NAALADL2: variants seen among roughly 807,000 people sequenced by gnomAD.
NAALADL2 encodes the protein inactive N-acetylated-alpha-linked acidic dipeptidase-like protein 2.
NAALADL2 carries 76 observed loss-of-function variants against 87.2 expected under a neutral mutation model. The ratio of observed to expected loss-of-function variants is 0.87; its 90% CI spans 0.72 to 1.05. The LOEUF is 1.05. NAALADL2 is among the 50% of genes least tolerant of loss of function. NAALADL2 has a pLI of 0.00. For missense variants in NAALADL2, 1,089 were observed against 945.8 expected (o/e 1.15, Z -1.99); for synonymous variants, 354 against 331.0 (o/e 1.07, Z -0.75).
chr3:174,608,194 A>C (rs1387707459), intron 2 of NAALADL2, among the ~76,000 whole-genome samples: 1 of 151,920 alleles, frequency 6.6e-6, no homozygotes, highest in Non-Finnish European at 1.5e-5. Context: ...TATAGCACTA[A>C]ATGCCCACAA....
At chr3:175,700,697 A>G (rs1215979253) in intron 11 of NAALADL2, among the ~76,000 whole-genome samples, 1 of 152,266 alleles carries the variant, frequency 6.6e-6, no homozygotes, top group Admixed American at 6.5e-5. Flanking sequence ...CTGACTTCTT[A>G]ATTGAGGAAA....
At chr3:175,290,974 C>T (rs1755573806) in intron 4 of NAALADL2, among the ~76,000 whole-genome samples, 1 of 151,932 alleles carries the variant, frequency 6.6e-6, no homozygotes, top group African/African-American at 2.4e-5. Context: ...TATAAATTTC[C>T]TTGGGCAATG....
At chr3:174,784,287 A>G (rs889948102) in intron 3 of NAALADL2, among the ~76,000 whole-genome samples, 7 of 152,332 alleles carry the variant, frequency 4.6e-5, no homozygotes, top group African/African-American at 1.4e-4. Flanking sequence ...ATACATATGC[A>G]TATGCAGCTT....
intron 2 of NAALADL2, among the ~76,000 whole-genome samples, chr3:174,651,851 C>G (rs1724392448): frequency 6.6e-6 from 1 of 152,120 alleles, no homozygotes. Context: ...TGAAATATAA[C>G]ACATATATAT....
At chr3:174,549,914 C>T (rs1375116415) in intron 1 of NAALADL2, among the ~76,000 whole-genome samples, 1 of 151,002 alleles carries the variant, frequency 6.6e-6, no homozygotes, top group Non-Finnish European at 1.5e-5. Context: ...TCCAATGTCT[C>T]TTTTAAAGAA....
At chr3:174,915,689 A>G (rs538455701) in intron 1 of NAALADL2, among the ~76,000 whole-genome samples, 12 of 152,202 alleles carry the variant, frequency 7.9e-5, no homozygotes, top group African/African-American at 2.4e-4. Flanking sequence ...TAATTTTAGG[A>G]AAAAAAGCGT....
chr3:175,653,704 T>C (rs1315033749), intron 11 of NAALADL2, among the ~76,000 whole-genome samples: 1 of 152,224 alleles, frequency 6.6e-6, no homozygotes, highest in Non-Finnish European at 1.5e-5. Flanking sequence ...ATGGCTTTCA[T>C]GGCTTTTTTC....
intron 2 of NAALADL2, among the ~76,000 whole-genome samples, chr3:175,193,332 A>G (rs552209908): frequency 6.6e-6 from 1 of 151,872 alleles, no homozygotes; most frequent in Non-Finnish European, 1.5e-5. Context: ...ATATGAAAGT[A>G]TTAATTTTAG....
intron 4 of NAALADL2, among the ~76,000 whole-genome samples, chr3:175,286,172 T>G (rs1362682673): frequency 6.6e-6 from 1 of 152,240 alleles, no homozygotes; most frequent in Non-Finnish European, 1.5e-5. Flanking sequence ...GGTTGCCATA[T>G]TAAGTGGTGT....
intron 13 of NAALADL2, among the ~76,000 whole-genome samples, chr3:175,791,214 C>T (rs943742121): frequency 1.3e-5 from 2 of 152,150 alleles, no homozygotes; most frequent in Admixed American, 6.5e-5. Context: ...TAAAAGAATC[C>T]TGTGGAAATA....
chr3:174,967,106 G>C (rs1432565035), intron 1 of NAALADL2, among the ~76,000 whole-genome samples: 1 of 152,078 alleles, frequency 6.6e-6, no homozygotes, highest in African/African-American at 2.4e-5. Context: ...TAAAAATCAA[G>C]TAATAACTGG....
At chr3:174,727,921 T>C (rs1404246414) in intron 2 of NAALADL2, among the ~76,000 whole-genome samples, 1 of 152,182 alleles carries the variant, frequency 6.6e-6, no homozygotes, top group Non-Finnish European at 1.5e-5. Flanking sequence ...ATCTTTTCAC[T>C]GTCTCCATAG....
chr3:175,371,303 T>A (rs1256966611), intron 5 of NAALADL2, among the ~76,000 whole-genome samples: 1 of 152,024 alleles, frequency 6.6e-6, no homozygotes, highest in African/African-American at 2.4e-5. Flanking sequence ...GTACTCGCTC[T>A]TTCGCCCAGG....
chr3:175,404,026 T>G (rs1468803374), intron 5 of NAALADL2, among the ~76,000 whole-genome samples: 1 of 152,154 alleles, frequency 6.6e-6, no homozygotes, highest in Non-Finnish European at 1.5e-5. Flanking sequence ...TGTATGCATT[T>G]TATTATACAT....
At chr3:174,708,915 A>C (rs145758120) in intron 2 of NAALADL2, among the ~76,000 whole-genome samples, 141 of 152,240 alleles carry the variant, frequency 9.3e-4, no homozygotes, top group Non-Finnish European at 1.7e-3. Flanking sequence ...TTTTTAAATA[A>C]AGTCCATTCT....
At chr3:175,588,113 G>A (rs1720810080) in intron 10 of NAALADL2, among the ~76,000 whole-genome samples, 5 of 151,526 alleles carry the variant, frequency 3.3e-5, no homozygotes, top group Admixed American at 3.3e-4. Flanking sequence ...TGCCTAGACT[G>A]TACAACCCAA....
intron 5 of NAALADL2, among the ~76,000 whole-genome samples, chr3:175,426,615 C>T (rs1453786842): frequency 6.6e-6 from 1 of 152,106 alleles, no homozygotes; most frequent in Non-Finnish European, 1.5e-5. Context: ...TCTCAGTTGC[C>T]ACTGCAAAGT....
intron 9 of NAALADL2, among the ~76,000 whole-genome samples, chr3:175,556,409 G>A (rs1178992409): frequency 6.6e-6 from 1 of 152,068 alleles, no homozygotes; most frequent in Non-Finnish European, 1.5e-5. Flanking sequence ...CTATAAAAAT[G>A]TAAGATTCTT....
rs537236472 is a variant in NAALADL2 at position 175,576,322 on chromosome 3, T to C, written c.1800+135T>C. On this transcript the variant is annotated intron_variant, in intron 10 of 13. Coordinates refer to ENST00000454872, the MANE Select transcript of NAALADL2 (RefSeq NM_207015.3). Reference sequence around the variant, plus strand: ...AGCGGCTTCATTTAGAGAGTTATTCTTGCTTTTTCAAAGGCTTTGTAATAG... The same window carrying C: ...AGCGGCTTCATTTAGAGAGTTATTCCTGCTTTTTCAAAGGCTTTGTAATAG... 4.5e-5 allele frequency: 34 copies of C among 758,462 alleles called. No homozygotes were observed. In the South Asian group the frequency reaches 6.2e-4, roughly 14 times the overall value. The allele number at this position is 758,462 out of a possible 1,614,324, so 47.0% of individuals were successfully genotyped here.
Sources: allele counts gnomAD v4.1 joint callset (sites outside exome capture counted in the v4.1 genomes callset), GRCh38; gene constraint gnomAD v4.1.1; transcripts MANE v1.5; gene names NCBI Gene and HGNC (gene_info 2026-07-23, HGNC 2026-07-21).